The following UBOX5 variants were observed in gnomAD, a reference collection of about 807,000 sequenced individuals.
UBOX5 encodes the protein RING finger protein 37.
Under a neutral mutation model 39.0 loss-of-function variants are expected in UBOX5, and 28 were observed. The observed-to-expected ratio is 0.72, with a 90% CI of 0.53 to 0.98. The LOEUF is 0.98. Ranked by LOEUF, UBOX5 falls within the 50% of genes least tolerant of loss-of-function variation. UBOX5 has a pLI of 0.00. For synonymous variants in UBOX5, 283 were observed against 275.5 expected (o/e 1.03, Z -0.27); for missense variants, 585 against 674.4 (o/e 0.87, Z 1.47).
chr20:3,130,573 T>G (rs1360343509), intron 1 of UBOX5, among the ~76,000 whole-genome samples: 1 of 152,104 alleles, frequency 6.6e-6, no homozygotes, highest in African/African-American at 2.4e-5. Context: ...TCATTATTTT[T>G]TCCTTTAGTA....
At chr20:3,128,244 T>C (rs1335827370) in intron 1 of UBOX5, among the ~76,000 whole-genome samples, 1 of 152,252 alleles carries the variant, frequency 6.6e-6, no homozygotes, top group Non-Finnish European at 1.5e-5. Context: ...CCAGCTTCCC[T>C]GCCCAACTAG....
At chr20:3,117,659 G>A (rs943453997) in intron 3 of UBOX5, among the ~76,000 whole-genome samples, 3 of 152,160 alleles carry the variant, frequency 2.0e-5, no homozygotes, top group Non-Finnish European at 4.4e-5. Context: ...ACTCCAGCCC[G>A]GGCGACAGAG....
chr20:3,123,938 A>G (rs987283657), intron 1 of UBOX5, among the ~76,000 whole-genome samples: 7 of 152,176 alleles, frequency 4.6e-5, no homozygotes, highest in African/African-American at 1.7e-4. Flanking sequence ...CTGTAATCCC[A>G]ACAATTTGGG....
Position 3,126,244 on chromosome 20 carries a change from A to C in UBOX5, c.-41-2838T>G, listed in dbSNP as rs2066387231. On this transcript the variant is annotated intron_variant, in intron 1 of 4. Transcript: ENST00000217173. ...TGCTCTCTGAATCATGTGCTGTGTC[A>C]ACTCAGGGTTAAATGGATTAAGGGC... Among the ~76,000 whole-genome samples the C allele has an allele frequency of 1.3e-5, 2 of 152,118 alleles. 1 individual carries two copies. The highest frequency in any genetic ancestry group is 2.9e-5 in the Non-Finnish European group (2 of 68,028).
chr20:3,138,980 G>A (rs570818989), intron 1 of UBOX5, among the ~76,000 whole-genome samples: 6 of 151,832 alleles, frequency 4.0e-5, no homozygotes, highest in South Asian at 4.2e-4. Flanking sequence ...GGTTACAGAA[G>A]GGAAAAAAAA....
chr20:3,151,625 TAAAATAAAATAA>T (rs2148624101), intron 1 of UBOX5: 1 of 150,674 alleles, frequency 6.6e-6, no homozygotes, highest in East Asian at 2.0e-4. Context: ...GTCTAAAAAA[TAAAATAAAATAA>T]AAAATAAATT....
chr20:3,148,460 T>G (rs1489939200), intron 1 of UBOX5: 4 of 1,613,990 alleles, frequency 2.5e-6, no homozygotes, highest in East Asian at 4.5e-5. Flanking sequence ...GATCAGATCT[T>G]GGGTATCAAA....
chr20:3,134,192 G>C (rs372695774), intron 1 of UBOX5, among the ~76,000 whole-genome samples: 21 of 151,840 alleles, frequency 1.4e-4, no homozygotes, highest in African/African-American at 4.8e-4. Context: ...CTTGCAACTT[G>C]CTTTTCCATT....
chr20:3,156,486 C>A (rs527637142), intron 1 of UBOX5, among the ~76,000 whole-genome samples: 24 of 152,110 alleles, frequency 1.6e-4, no homozygotes, highest in African/African-American at 5.5e-4. Flanking sequence ...CTGACTCTTT[C>A]AATAAAGGTC....
chr20:3,153,121 T>C, intron 1 of UBOX5, among the ~76,000 whole-genome samples: 1 of 152,234 alleles, frequency 6.6e-6, no homozygotes, highest in East Asian at 1.9e-4. Context: ...AATATCTCTA[T>C]AAATGATATT....
chr20:3,122,649 A>C (rs912165246), intron 2 of UBOX5, 65 bp from the exon 3 acceptor site: 76 of 1,502,716 alleles, frequency 5.1e-5, no homozygotes, highest in Non-Finnish European at 6.7e-5. Flanking sequence ...CTTGTAAGAA[A>C]ACTCTTAAGC....
chr20:3,124,869 C>T lies in UBOX5; in HGVS notation c.-41-1463G>A, dbSNP rs148986081. Among the ~76,000 whole-genome samples the T allele has an allele frequency of 9.6e-3, 1,375 of 143,638 alleles. 9 individuals are homozygous for T. The highest frequency in any genetic ancestry group is 0.013 in the Non-Finnish European group (848 of 66,120). 94.2% of individuals were successfully genotyped at this position (143,638 alleles called of 152,430 possible). On this transcript the variant is annotated intron_variant, in intron 1 of 4. Transcript: ENST00000217173. ...GCTGCCCCTTCTGAGAAGTGAGGAG[C>T]GCCTCTGCCCAGCCGCCCCGTCTGG... is the stretch of plus-strand genomic sequence containing the variant.
chr20:3,146,973 G>T, intron 1 of UBOX5: 3 of 1,614,198 alleles, frequency 1.9e-6, no homozygotes, highest in Non-Finnish European at 2.5e-6. Context: ...TTTGTGAACT[G>T]AACAGCCAGC....
intron 3 of UBOX5, among the ~76,000 whole-genome samples, chr20:3,119,446 T>A (rs1417819486): frequency 6.6e-6 from 1 of 152,232 alleles, no homozygotes; most frequent in Non-Finnish European, 1.5e-5. Flanking sequence ...TACGCTGGGA[T>A]TTGTGATCCA....
chr20:3,127,747 A>G (rs912274051), intron 1 of UBOX5, among the ~76,000 whole-genome samples: 1 of 152,188 alleles, frequency 6.6e-6, no homozygotes, highest in Non-Finnish European at 1.5e-5. Flanking sequence ...TATCATACCT[A>G]AAATTTTTTC....
At chr20:3,143,151 A>G (rs1600401646) in intron 1 of UBOX5, among the ~76,000 whole-genome samples, 1 of 118,390 alleles carries the variant, frequency 8.4e-6, no homozygotes, top group African/African-American at 3.3e-5. Context: ...TCTGTTACCC[A>G]GGCTGGAGTA....
At chr20:3,147,147 A>T (rs373759979) in intron 1 of UBOX5, 2 of 1,613,830 alleles carry the variant, frequency 1.2e-6, no homozygotes, top group South Asian at 1.1e-5. Flanking sequence ...TTGCCCTGGA[A>T]ATGTCCTCTT....
At chr20:3,112,430 A>G (rs1293020185) in intron 4 of UBOX5, among the ~76,000 whole-genome samples, 1 of 101,718 alleles carries the variant, frequency 9.8e-6, no homozygotes, top group South Asian at 2.3e-4. Context: ...CAGTGACAGA[A>G]AAAAAAAAAA....
chr20:3,121,263 G>T, intron 3 of UBOX5, 121 bp downstream of exon 3: 1 of 1,412,086 alleles, frequency 7.1e-7, no homozygotes, highest in Non-Finnish European at 9.5e-7. Context: ...CGGGAAGGAG[G>T]CAGCACAGGC....
Sources: allele counts gnomAD v4.1 joint callset (sites outside exome capture counted in the v4.1 genomes callset), GRCh38; gene constraint gnomAD v4.1.1; transcripts MANE v1.5; gene names NCBI Gene and HGNC (gene_info 2026-07-23, HGNC 2026-07-21).